Variants in ARHGAP36 observed in about 807,000 individuals in gnomAD.
The protein encoded by ARHGAP36 is Rho GTPase activating protein 36.
ARHGAP36 carries 7 observed loss-of-function variants against 32.9 expected under a neutral mutation model. The observed-to-expected ratio is 0.21, with a 90% CI of 0.12 to 0.40. ARHGAP36 has a LOEUF of 0.40. Ranked by LOEUF, ARHGAP36 falls within the 10% of genes least tolerant of loss-of-function variation. ARHGAP36 has a pLI of 1.00. For synonymous variants in ARHGAP36, 165 were observed against 168.3 expected, an observed-to-expected ratio of 0.98 and a Z score of 0.15; for missense variants, 383 against 442.2, an observed-to-expected ratio of 0.87 and a Z score of 1.20.
Position 131,089,792 on chromosome X carries a change from A to T in ARHGAP36, c.*1007A>T, listed in dbSNP as rs763548739. Reference sequence around the variant, plus strand: ...TTGAGGGATAGAAATTGATCATTTAATGGGTAACAACTGCTGAGCTCAAAG... The same window carrying T: ...TTGAGGGATAGAAATTGATCATTTATTGGGTAACAACTGCTGAGCTCAAAG... On this transcript the variant is annotated 3_prime_UTR_variant, in exon 12 of 12. Coordinates refer to ENST00000276211, the MANE Select transcript of ARHGAP36 (RefSeq NM_144967.4). The T allele has an allele frequency of 8.9e-6, 1 of 112,561 alleles. No homozygotes were observed. The highest frequency in any genetic ancestry group is 3.2e-5 in the African/African-American group (1 of 30,844). The allele number at this position is 112,561 out of a possible 1,213,427, so 9.3% of individuals were successfully genotyped here.
At chrX:131,068,621 C>T (rs1476934696) in intron 1 of ARHGAP36, among the ~76,000 whole-genome samples, 1 of 107,610 alleles carries the variant, frequency 9.3e-6, no homozygotes, top group Non-Finnish European at 1.9e-5. Context: ...CCTCTGTCCC[C>T]CTCCGCACCC....
In ARHGAP36 at chrX:131,085,547, A is replaced by G. The variant is rs764140244; in HGVS notation, c.956-41A>G. ...CTCCCTTGGTATCAGTCTGCAGCCA[A>G]GACTATCCCCCTGAGACAGCCCCTG... On this transcript the variant is annotated intron_variant, in intron 7 of 11. Coordinates refer to ENST00000276211, the MANE Select transcript of ARHGAP36 (RefSeq NM_144967.4). The G allele has an allele frequency of 1.4e-5, 17 of 1,189,680 alleles. No individual in the cohort carries two copies. The East Asian group carries it at 4.5e-4, about 31-fold the overall frequency.
At chrX:131,075,685 C>T (rs145230376) in intron 1 of ARHGAP36, among the ~76,000 whole-genome samples, 2,837 of 107,139 alleles carry the variant, frequency 0.026, 100 homozygotes, top group African/African-American at 0.091. Context: ...ATCTTCATTT[C>T]CCACGGAATG....
intron 1 of ARHGAP36, among the ~76,000 whole-genome samples, chrX:131,073,587 C>T (rs1007063167): frequency 1.8e-5 from 2 of 112,841 alleles, no homozygotes; most frequent in Non-Finnish European, 3.7e-5. Context: ...CCCTGTGTCC[C>T]GGAGTTAGCT....
At chrX:131,060,419 C>T (rs1311123323) in intron 1 of ARHGAP36, among the ~76,000 whole-genome samples, 1 of 111,952 alleles carries the variant, frequency 8.9e-6, no homozygotes, top group Non-Finnish European at 1.9e-5. Context: ...CACGAACACA[C>T]ACACACACGC....
chrX:131,084,433 C>A (rs1416035926), intron 5 of ARHGAP36, 26 bp downstream of exon 5: 26 of 1,186,232 alleles, frequency 2.2e-5, no homozygotes, highest in Non-Finnish European at 2.9e-5. Flanking sequence ...ATGGGTAAAT[C>A]AAGGAAGGAA....
At chrX:131,080,298 G>A (rs1294524774) in intron 1 of ARHGAP36, among the ~76,000 whole-genome samples, 2 of 110,198 alleles carry the variant, frequency 1.8e-5, no homozygotes, top group Non-Finnish European at 3.8e-5. Context: ...TCTCCTTTCT[G>A]CTCTCACAAT....
chrX:131,070,233 TAAG>T (rs2079726416), intron 1 of ARHGAP36, among the ~76,000 whole-genome samples: 1 of 112,467 alleles, frequency 8.9e-6, no homozygotes, highest in African/African-American at 3.2e-5. Context: ...TGCAGGCAAC[TAAG>T]AAGAAAGCCT....
chrX:131,066,518 A>G lies in ARHGAP36; in HGVS notation c.-143+8074A>G, dbSNP rs910649926. 4.5e-5 allele frequency among the ~76,000 whole-genome samples: 5 copies of G among 112,244 alleles called. No individual in the cohort carries two copies. The East Asian group carries it at 1.4e-3, about 31-fold the overall frequency. On this transcript the variant is annotated intron_variant, in intron 1 of 11. Transcript: ENST00000276211. ...ATTTTGAAGTATCAACAAAGCAGGT[A>G]ATTAGGTGGAGAAAGTATCCGCTGT...
intron 1 of ARHGAP36, 135 bp from the exon 2 acceptor site, chrX:131,081,389 A>C (rs1172137052): frequency 3.4e-5 from 17 of 494,850 alleles, no homozygotes; most frequent in Non-Finnish European, 4.7e-5. Context: ...GCTTTTGTTA[A>C]AAAATGTTTT....
intron 1 of ARHGAP36, chrX:131,078,875 C>T (rs2079779416): frequency 1.1e-5 from 5 of 462,487 alleles, no homozygotes; most frequent in East Asian, 1.0e-4. Context: ...TGATTTCCTT[C>T]GGAATTGTAA....
At chrX:131,086,793 T>G (rs1205104120) in intron 11 of ARHGAP36, 128 bp downstream of exon 11, 18 of 500,532 alleles carry the variant, frequency 3.6e-5, no homozygotes, top group Admixed American at 1.2e-4. Flanking sequence ...CTGAGGAAGA[T>G]GAAGAGCTAG....
chrX:131,069,693 C>T, intron 1 of ARHGAP36, among the ~76,000 whole-genome samples: 1 of 111,613 alleles, frequency 9.0e-6, no homozygotes. Flanking sequence ...GAAATGCCTG[C>T]ACCAATGATT....
rs186824583 is a variant in ARHGAP36, at chrX:131,068,220, A to T, written c.-143+9776A>T. Among the ~76,000 whole-genome samples, 654 of 111,123 alleles carry T rather than the reference A, an allele frequency of 5.9e-3. 2 individuals are homozygous for T. The highest frequency in any genetic ancestry group is 0.043 in the East Asian group (151 of 3,481). ...GGCCACACACCGAACGCACACACAGATCTACCGCACCCGCGCGCGCGCACA... is the reference window on the plus strand; with the variant it reads ...GGCCACACACCGAACGCACACACAGTTCTACCGCACCCGCGCGCGCGCACA... On this transcript the variant is annotated intron_variant, in intron 1 of 11. Coordinates refer to ENST00000276211, the MANE Select transcript of ARHGAP36 (RefSeq NM_144967.4).
chrX:131,066,891 C>T (rs1012630964), intron 1 of ARHGAP36, among the ~76,000 whole-genome samples: 1 of 112,049 alleles, frequency 8.9e-6, no homozygotes, highest in East Asian at 2.8e-4. Flanking sequence ...ACACTTAGCA[C>T]AATGCCCAGT....
intron 1 of ARHGAP36, among the ~76,000 whole-genome samples, chrX:131,075,787 G>A (rs918712543): frequency 7.2e-5 from 8 of 110,966 alleles, no homozygotes; most frequent in African/African-American, 2.6e-4. Context: ...CCAGTTCCAG[G>A]CAGCAGATGT....
At position 131,084,665 on chromosome X, in the gene ARHGAP36, T is replaced by G. The variant is rs1208685310; in HGVS notation, c.788T>G (p.Val263Gly). 6 of 1,211,932 alleles carry G rather than the reference T, an allele frequency of 5.0e-6. No individual in the cohort carries two copies. Among genetic ancestry groups the G allele is most frequent in the Non-Finnish European group, 6.7e-6 (6 of 895,514 alleles). Residue 263 changes from valine to glycine, a missense_variant, in exon 6 of 12, where the codon GTG becomes GGG. Around this residue, in one of 2 missense-constraint regions of ARHGAP36, gnomAD observed 227 missense variants for 311.3 expected, o/e 0.73. Transcript: ENST00000276211. ...GGGATTTTTACCCTTGAATACTCCGTGCAGCGAGTGCGTCAGGTAAATTGG... is the reference window on the plus strand; with the variant it reads ...GGGATTTTTACCCTTGAATACTCCGGGCAGCGAGTGCGTCAGGTAAATTGG... ...AVGIFTLEYS[V>G]QRVRQLREEF...
At chrX:131,072,163 G>A (rs1382335141) in intron 1 of ARHGAP36, among the ~76,000 whole-genome samples, 1 of 111,441 alleles carries the variant, frequency 9.0e-6, no homozygotes, top group Non-Finnish European at 1.9e-5. Context: ...GACAGTACAT[G>A]AAAAATTAAG....
intron 1 of ARHGAP36, among the ~76,000 whole-genome samples, chrX:131,072,392 G>C (rs1437639360): frequency 8.9e-6 from 1 of 112,273 alleles, no homozygotes; most frequent in East Asian, 2.8e-4. Context: ...GCAAGGAGGG[G>C]AAAGGACTAT....
Sources: allele counts gnomAD v4.1 joint callset (sites outside exome capture counted in the v4.1 genomes callset), GRCh38; gene constraint gnomAD v4.1.1; regional missense constraint gnomAD v4.1.1; transcripts MANE v1.5; gene names NCBI Gene and HGNC (gene_info 2026-07-23, HGNC 2026-07-21).